The following MAP3K20 variants were observed in gnomAD, a reference collection of about 807,000 sequenced individuals.
MAP3K20 encodes HCCS-4.
A neutral mutation model predicts 85.7 loss-of-function variants in MAP3K20; 40 were observed. The ratio of observed to expected loss-of-function variants is 0.47; its 90% CI spans 0.36 to 0.61. The LOEUF (loss-of-function observed/expected upper bound fraction) is 0.61, where lower values mean the gene tolerates loss of function less well. MAP3K20 is among the 20% of genes least tolerant of loss of function. The pLI is 0.00. For synonymous variants in MAP3K20, 325 were observed against 327.7 expected (o/e 0.99, Z 0.09); for missense variants, 817 against 961.7 (o/e 0.85, Z 1.99).
intron 10 of MAP3K20, chr2:173,210,982 C>G (rs955600791): frequency 3.3e-5 from 5 of 152,138 alleles, no homozygotes; most frequent in Admixed American, 3.3e-4. Context: ...ACAGTGAGCT[C>G]AAGTCTAGGT....
chr2:173,191,110 G>A lies in MAP3K20; in HGVS notation c.515G>A (p.Trp172Ter), dbSNP rs1553578407. The change falls in exon 7 of 20, where the codon TGG (tryptophan) becomes TAG (stop). Residue 172 changes from tryptophan (W) to a stop codon, truncating the protein, a stop_gained. Coordinates refer to ENST00000375213, the MANE Select transcript of MAP3K20 (RefSeq NM_016653.3). LOFTEE classifies it high-confidence loss of function. ...ATGTCCTTGGTTGGAACTTTCCCAT[G>A]GATGGCTCCAGAAGTTATCCAGAGT... ...THMSLVGTFP[W>*]MAPEVIQSLP... The A allele has an allele frequency of 1.2e-6, 2 of 1,613,988 alleles. No homozygotes were observed. The highest frequency in any genetic ancestry group is 1.7e-6 in the Non-Finnish European group (2 of 1,179,932).
intron 17 of MAP3K20, 136 bp from the exon 18 acceptor site, chr2:173,260,923 GAACC>G: frequency 1.5e-6 from 1 of 663,028 alleles, no homozygotes; most frequent in Non-Finnish European, 2.6e-6. Context: ...GATCACATGA[GAACC>G]AACAAGGCTT....
intron 1 of MAP3K20, among the ~76,000 whole-genome samples, chr2:173,086,062 C>T (rs1439782898): frequency 6.6e-6 from 1 of 152,052 alleles, no homozygotes; most frequent in Non-Finnish European, 1.5e-5. Context: ...TCCCAAAGTG[C>T]TGGGACTATA....
intron 1 of MAP3K20, among the ~76,000 whole-genome samples, chr2:173,088,075 A>AG (rs1687190557): frequency 6.6e-6 from 1 of 151,562 alleles, no homozygotes; most frequent in Non-Finnish European, 1.5e-5. Context: ...AGTGAAAAAA[A>AG]AGAGAAATTA....
chr2:173,225,148 C>G, intron 11 of MAP3K20: 1 of 984,958 alleles, frequency 1.0e-6, no homozygotes, highest in South Asian at 4.7e-5. Flanking sequence ...TAGTCATTCT[C>G]AACTGGGGCG....
chr2:173,217,277 TTC>T lies in MAP3K20; in HGVS notation c.987+28_987+29del, dbSNP rs775828637. On this transcript the variant is annotated intron_variant, in intron 11 of 19. Transcript: ENST00000375213. ...TGAGTACCCTCCCCCTTCGCCGTCT[TTC>T]CACATGCGGCTCTAGGCTGCGCAGC... 3 of 1,520,652 alleles carry T rather than the reference TTC, an allele frequency of 2.0e-6. No homozygotes were observed. In the South Asian group the frequency reaches 4.0e-5, roughly 21 times the overall value. The allele number at this position is 1,520,652 out of a possible 1,614,324, so 94.2% of individuals were successfully genotyped here.
At chr2:173,195,334 G>C (rs796832366) in intron 7 of MAP3K20, among the ~76,000 whole-genome samples, 7 of 152,240 alleles carry the variant, frequency 4.6e-5, no homozygotes, top group African/African-American at 1.4e-4. Context: ...CACTGTTCCA[G>C]AACAAGCTGG....
rs1315509260 is a variant in MAP3K20 at position 173,134,424 on chromosome 2, A to ATT, written c.160-35380_160-35379insTT. On this transcript the variant is annotated intron_variant, in intron 2 of 19. Transcript: ENST00000375213. ...TATATATATATATATATATATATAT[A>ATT]TATATTTTTTTTTTTTTTTTTTTGC... Among the ~76,000 whole-genome samples, 8 of 5,036 alleles carry ATT rather than the reference A, an allele frequency of 1.6e-3. 1 individual carries two copies. In the East Asian group the frequency reaches 0.017, roughly 11 times the overall value. 3.3% of individuals were successfully genotyped at this position (5,036 alleles called of 152,430 possible).
At chr2:173,165,211 C>T (rs1210932088) in intron 2 of MAP3K20, among the ~76,000 whole-genome samples, 2 of 151,726 alleles carry the variant, frequency 1.3e-5, no homozygotes, top group East Asian at 3.9e-4. Context: ...GAGTTCGAGA[C>T]CAGCCTGGCC....
At chr2:173,134,420 A>ATTTTTTTTT (rs1559246094) in intron 2 of MAP3K20, among the ~76,000 whole-genome samples, 16 of 6,146 alleles carry the variant, frequency 2.6e-3, no homozygotes, top group Non-Finnish European at 4.7e-3. Flanking sequence ...ATATATATAT[A>ATTTTTTTTT]TATATATATT....
In MAP3K20 at chr2:173,155,100, C is replaced by T. The variant is rs551166631; in HGVS notation, c.160-14705C>T. On this transcript the variant is annotated intron_variant, in intron 2 of 19. Coordinates refer to ENST00000375213, the MANE Select transcript of MAP3K20 (RefSeq NM_016653.3). ...TTTCAGAAAGAATATTGATGGAGAG[C>T]GATATCCTGAGAGAAGAGGGGGAGG... Among the ~76,000 whole-genome samples the T allele has an allele frequency of 7.9e-5, 12 of 151,652 alleles. No individual in the cohort carries two copies. In the South Asian group the frequency reaches 1.5e-3, roughly 18 times the overall value.
intron 2 of MAP3K20, among the ~76,000 whole-genome samples, chr2:173,125,237 T>G (rs1190171476): frequency 6.6e-6 from 1 of 152,206 alleles, no homozygotes; most frequent in Non-Finnish European, 1.5e-5. Context: ...CCTTATAGAA[T>G]CTCTTATCTT....
intron 2 of MAP3K20, among the ~76,000 whole-genome samples, chr2:173,120,923 G>A (rs1391605748): frequency 6.6e-6 from 1 of 151,766 alleles, no homozygotes; most frequent in African/African-American, 2.4e-5. Flanking sequence ...TGGCCAGGAT[G>A]GTCTCGATCT....
At chr2:173,100,631 C>T (rs1176385069) in intron 2 of MAP3K20, among the ~76,000 whole-genome samples, 2 of 152,182 alleles carry the variant, frequency 1.3e-5, no homozygotes, top group African/African-American at 4.8e-5. Flanking sequence ...AACACACTTG[C>T]ATTCACCTAC....
Position 173,098,226 on chromosome 2 carries a change from G to A in MAP3K20, c.159+7036G>A, listed in dbSNP as rs544751080. Among the ~76,000 whole-genome samples the A allele has an allele frequency of 3.3e-5, 5 of 152,284 alleles. No individual in the cohort carries two copies. The East Asian group carries it at 7.7e-4, about 23-fold the overall frequency. On this transcript the variant is annotated intron_variant, in intron 2 of 19. Coordinates refer to ENST00000375213, the MANE Select transcript of MAP3K20 (RefSeq NM_016653.3). ...TCTATAATAACTCGTCCAAAGCGGT[G>A]CTCAAGAGTGGCCACTGGTATTTTT...
At chr2:173,125,342 T>A (rs1688410680) in intron 2 of MAP3K20, among the ~76,000 whole-genome samples, 2 of 152,184 alleles carry the variant, frequency 1.3e-5, no homozygotes, top group African/African-American at 4.8e-5. Context: ...GGACTACACC[T>A]AAAGAATGTA....
At chr2:173,248,080 A>T (rs983505477) in intron 16 of MAP3K20, among the ~76,000 whole-genome samples, 1 of 152,214 alleles carries the variant, frequency 6.6e-6, no homozygotes, top group Admixed American at 6.5e-5. Context: ...GCATCGCATG[A>T]TCAAAAAATG....
chr2:173,080,997 G>A (rs774711571), intron 1 of MAP3K20, among the ~76,000 whole-genome samples: 1 of 152,086 alleles, frequency 6.6e-6, no homozygotes, highest in Non-Finnish European at 1.5e-5. Context: ...GTACTCTATT[G>A]TGGGGATAAA....
rs74173146 is a variant in MAP3K20, at chr2:173,134,464, G to A, written c.160-35341G>A. The stretch of plus-strand genomic sequence containing the variant: ...TTTTTTTTTGCAGAGACGGGGTTTC[G>A]CCATGTTGGCCAGGCTGATCTTAAA... On this transcript the variant is annotated intron_variant, in intron 2 of 19. Transcript: ENST00000375213. Among the ~76,000 whole-genome samples, 15 of 86,668 alleles carry A rather than the reference G, an allele frequency of 1.7e-4. No homozygotes were observed. The East Asian group carries it at 3.5e-3, about 20-fold the overall frequency. 56.9% of individuals were successfully genotyped at this position (86,668 alleles called of 152,430 possible). A position where few individuals can be genotyped will look rare whatever the true frequency, so the allele number is the denominator to read the frequency against.
Sources: gnomAD v4.1 joint callset for allele counts (sites outside exome capture counted in the v4.1 genomes callset) on GRCh38, gnomAD v4.1.1 for gene constraint, MANE v1.5 for transcripts, NCBI Gene and HGNC (gene_info 2026-07-23, HGNC 2026-07-21) for gene names.